The following URGCP variants were observed in gnomAD, a reference collection of about 807,000 sequenced individuals.
The protein encoded by URGCP is up-regulator of cell proliferation.
In URGCP, 13 loss-of-function variants were observed where a neutral mutation model predicts 24.6. That is an observed-to-expected ratio of 0.53 (90% CI 0.34 to 0.84). URGCP has a LOEUF of 0.84. Ranked by LOEUF, URGCP falls within the 40% of genes least tolerant of loss-of-function variation. URGCP has a pLI of 0.01. For missense variants in URGCP, 899 were observed against 1,194.3 expected (o/e 0.75, Z 3.64); for synonymous variants, 444 against 487.2 (o/e 0.91, Z 1.17).
intron 3 of URGCP, among the ~76,000 whole-genome samples, chr7:43,886,720 T>C (rs2095862762): frequency 6.6e-6 from 1 of 152,044 alleles, no homozygotes; most frequent in African/African-American, 2.4e-5. Context: ...GCCACTGCAT[T>C]CCAGCCTGGG....
intron 1 of URGCP, among the ~76,000 whole-genome samples, chr7:43,925,968 C>CCAGG (rs2095929541): frequency 6.6e-6 from 1 of 152,050 alleles, no homozygotes; most frequent in Non-Finnish European, 1.5e-5. Flanking sequence ...TAGTCTAAGG[C>CCAGG]CAGGGTTCTC....
At chr7:43,892,492 G>A (rs1232658267) in intron 1 of URGCP, among the ~76,000 whole-genome samples, 1 of 151,742 alleles carries the variant, frequency 6.6e-6, no homozygotes. Flanking sequence ...TACAGTGTAT[G>A]TGTGGCTTGA....
intron 1 of URGCP, among the ~76,000 whole-genome samples, chr7:43,897,695 ATG>A (rs1057278289): frequency 4.6e-5 from 7 of 152,270 alleles, no homozygotes; most frequent in Admixed American, 2.6e-4. Flanking sequence ...AGGCCTGTCT[ATG>A]TTACCGGCTG....
At chr7:43,887,972 C>T (rs1585801606) in intron 1 of URGCP, 156 bp from the exon 2 acceptor site, 1 of 588,032 alleles carries the variant, frequency 1.7e-6, no homozygotes, top group Non-Finnish European at 3.0e-6. Context: ...CTTTTGTGGA[C>T]AAAAAGATGC....
upstream of URGCP, chr7:43,926,515 C>T (rs745327853): frequency 2.0e-6 from 3 of 1,525,158 alleles, no homozygotes; most frequent in South Asian, 3.7e-5. Context: ...CCGCCCGGGT[C>T]CCCGGCAGCG....
Position 43,892,157 on chromosome 7 carries a change from A to G in URGCP, c.15-4341T>C, listed in dbSNP as rs548622084. ...GGTCTCAAACTCCTGGGCTGATGCA[A>G]TCCTCCTGCCTTGGCTTCCCAAAGT... On this transcript the variant is annotated intron_variant, in intron 1 of 5. Transcript: ENST00000453200. Among the ~76,000 whole-genome samples, 53 of 151,516 alleles carry G rather than the reference A, an allele frequency of 3.5e-4. 1 individual carries two copies. Among genetic ancestry groups the G allele is most frequent in the South Asian group, 2.5e-3 (12 of 4,788 alleles).
chr7:43,909,853 G>A (rs2132721381), upstream of URGCP, among the ~76,000 whole-genome samples: 1 of 152,196 alleles, frequency 6.6e-6, no homozygotes, highest in Middle Eastern at 3.4e-3. Flanking sequence ...GACCAGCCTG[G>A]CCAACATGGA....
In URGCP at chr7:43,880,699, A is replaced by G. The variant is rs571062806; in HGVS notation, c.202+960T>C. Among the ~76,000 whole-genome samples the G allele has an allele frequency of 7.2e-5, 11 of 152,308 alleles. No individual in the cohort carries two copies. The South Asian group carries it at 1.9e-3, about 26-fold the overall frequency. On this transcript the variant is annotated intron_variant, in intron 5 of 5. Transcript: ENST00000453200. ...AATGATCTGCCTGCCTCAGCCTCCC[A>G]AAGTGCTGGATGTGAGGCACCGTGC...
chr7:43,908,760 G>A (rs2095906908), upstream of URGCP, among the ~76,000 whole-genome samples: 1 of 152,110 alleles, frequency 6.6e-6, no homozygotes, highest in Non-Finnish European at 1.5e-5. Context: ...TGCCAAGATG[G>A]TCTACAAGCT....
rs752666089 is a variant in URGCP at position 43,892,634 on chromosome 7, A to C, written c.15-4818T>G. Among the ~76,000 whole-genome samples, 52 of 152,208 alleles carry C rather than the reference A, an allele frequency of 3.4e-4. No individual in the cohort carries two copies. The Middle Eastern group carries it at 0.017, about 50-fold the overall frequency. On this transcript the variant is annotated intron_variant, in intron 1 of 5. Transcript: ENST00000453200. The stretch of plus-strand genomic sequence containing the variant: ...ATCCACTGTGAACTCATTTTAACTA[A>C]TCACATATAATTTTTTAGAAATCAC...
At position 43,925,400 on chromosome 7, in the gene URGCP, G is replaced by A. The variant is rs574666670; in HGVS notation, c.-116+732C>T. On this transcript the variant is annotated intron_variant, in intron 1 of 5. Transcript: ENST00000426198. Reference sequence around the variant, plus strand: ...TTCATGCTCAAACATGTCTCAGTCTGAAGATTAAATATCATCTACATACAC... The same window carrying A: ...TTCATGCTCAAACATGTCTCAGTCTAAAGATTAAATATCATCTACATACAC... Among the ~76,000 whole-genome samples the A allele has an allele frequency of 5.9e-5, 9 of 152,302 alleles. No individual in the cohort carries two copies. In the East Asian group the frequency reaches 1.3e-3, roughly 23 times the overall value.
chr7:43,917,352 AG>A (rs1384208197), intron 1 of URGCP, among the ~76,000 whole-genome samples: 1 of 152,172 alleles, frequency 6.6e-6, no homozygotes, highest in Non-Finnish European at 1.5e-5. Context: ...TGTCAGAAAG[AG>A]GGGTACCTTG....
chr7:43,916,993 T>C (rs1235272250), intron 1 of URGCP, among the ~76,000 whole-genome samples: 1 of 152,104 alleles, frequency 6.6e-6, no homozygotes, highest in Non-Finnish European at 1.5e-5. Context: ...CTGTCCTCTC[T>C]TTACAGATGG....
chr7:43,919,572 G>GA (rs2095919746), intron 1 of URGCP: 1 of 1,418,556 alleles, frequency 7.0e-7, no homozygotes, highest in Non-Finnish European at 1.0e-6. Context: ...CATGGTCCTG[G>GA]ATGTCATGAG....
In URGCP at chr7:43,898,784, AATAAATTT is replaced by A. The variant is rs1263188456; in HGVS notation, c.14+7770_14+7777del. Among the ~76,000 whole-genome samples, 369 of 72,780 alleles carry A rather than the reference AATAAATTT, an allele frequency of 5.1e-3. 1 individual carries two copies. The highest frequency in any genetic ancestry group is 0.038 in the South Asian group (42 of 1,102). The allele number at this position is 72,780 out of a possible 152,430, so 47.7% of individuals were successfully genotyped here. A position where few individuals can be genotyped will look rare whatever the true frequency, so the allele number is the denominator to read the frequency against. On this transcript the variant is annotated intron_variant, in intron 1 of 5. Transcript: ENST00000453200. Reference sequence around the variant, plus strand: ...AAATAAATAAATAAATAAATAAATAAATAAATTTATTTTAATTTAAAAGAAATCTATTT... The same window carrying A: ...AAATAAATAAATAAATAAATAAATAAATTTTAATTTAAAAGAAATCTATTT...
At chr7:43,919,924 G>T in intron 1 of URGCP, 3 of 1,322,632 alleles carry the variant, frequency 2.3e-6, no homozygotes, top group Non-Finnish European at 3.3e-6. Flanking sequence ...GAGCCGTTCC[G>T]CAAGGAGGAC....
At chr7:43,897,651 G>C (rs977855976) in intron 1 of URGCP, among the ~76,000 whole-genome samples, 1 of 152,168 alleles carries the variant, frequency 6.6e-6, no homozygotes, top group Admixed American at 6.5e-5. Flanking sequence ...TAGAGGATGG[G>C]GTAGCCATGA....
chr7:43,881,877 C>T, intron 4 of URGCP, 30 bp downstream of exon 4: 2 of 1,612,420 alleles, frequency 1.2e-6, no homozygotes, highest in Non-Finnish European at 1.7e-6. Context: ...CTCCCCAGTC[C>T]AATCTGTTGC....
chr7:43,911,229 C>T (rs1371068811), upstream of URGCP, among the ~76,000 whole-genome samples: 3 of 151,838 alleles, frequency 2.0e-5, no homozygotes, highest in Non-Finnish European at 4.4e-5. Context: ...GGTGAAACCT[C>T]CTCTCTACTA....
Sources: gnomAD v4.1 joint callset for allele counts (sites outside exome capture counted in the v4.1 genomes callset) on GRCh38, gnomAD v4.1.1 for gene constraint, MANE v1.5 for transcripts, NCBI Gene and HGNC (gene_info 2026-07-23, HGNC 2026-07-21) for gene names.